TRIM49D1: variants seen among roughly 807,000 people sequenced by gnomAD.
The protein encoded by TRIM49D1 is tripartite motif containing 49D1.
At position 89,911,421 on chromosome 11, in the gene TRIM49D1, T is replaced by TA; in HGVS notation, c.*165dup. 6.9e-7 allele frequency: 1 copy of TA among 1,443,656 alleles called. No homozygotes were observed. The highest frequency in any genetic ancestry group is 9.5e-7 in the Non-Finnish European group (1 of 1,056,104). 89.4% of individuals were successfully genotyped at this position (1,443,656 alleles called of 1,614,324 possible). A position where few individuals can be genotyped will look rare whatever the true frequency, so the allele number is the denominator to read the frequency against. Reference sequence around the variant, plus strand: ...CCAGTACACATACTTTTAGTGTTTTTACCACATTTAATAGTAACACAATAA... The same window carrying TA: ...CCAGTACACATACTTTTAGTGTTTTTAACCACATTTAATAGTAACACAATAA... On this transcript the variant is annotated 3_prime_UTR_variant, in exon 8 of 8. Transcript: ENST00000420869.
chr11:89,921,200 G>A (rs1472943592), intron 1 of TRIM49D1, among the ~76,000 whole-genome samples: 3 of 151,982 alleles, frequency 2.0e-5, no homozygotes, highest in Admixed American at 6.6e-5. Flanking sequence ...TGCCAATCTC[G>A]TGGGTGAAAT....
At position 89,911,479 on chromosome 11, in the gene TRIM49D1, GAC is replaced by G; in HGVS notation, c.*106_*107del. Reference sequence around the variant, plus strand: ...TTAATAACATTAGAATGCAATTCAAGACATAAAACAGAACGTATTTGTCCTGT... The same window carrying G: ...TTAATAACATTAGAATGCAATTCAAGATAAAACAGAACGTATTTGTCCTGT... On this transcript the variant is annotated 3_prime_UTR_variant, in exon 8 of 8. Transcript: ENST00000420869. 1 of 608,620 alleles carries G rather than the reference GAC, an allele frequency of 1.6e-6. No individual in the cohort carries two copies. Among genetic ancestry groups the G allele is most frequent in the Non-Finnish European group, 2.9e-6 (1 of 339,640 alleles). 37.7% of individuals were successfully genotyped at this position (608,620 alleles called of 1,614,324 possible). A position where few individuals can be genotyped will look rare whatever the true frequency, so the allele number is the denominator to read the frequency against.
At chr11:89,921,455 CAG>C (rs1347812819) in intron 1 of TRIM49D1, among the ~76,000 whole-genome samples, 10 of 151,972 alleles carry the variant, frequency 6.6e-5, no homozygotes, top group African/African-American at 2.4e-4. Context: ...TATATTCTGA[CAG>C]AGGAATTCTT....
intron 1 of TRIM49D1, among the ~76,000 whole-genome samples, chr11:89,921,433 C>T (rs1476302918): frequency 3.3e-5 from 5 of 151,950 alleles, no homozygotes; most frequent in Non-Finnish European, 5.9e-5. Flanking sequence ...ATTTAAGAAG[C>T]GGCTACTCAA....
In TRIM49D1 at chr11:89,922,082, T is replaced by C. The variant is rs1318885839; in HGVS notation, c.-446A>G. Among the ~76,000 whole-genome samples, 1 of 152,002 alleles carries C rather than the reference T, an allele frequency of 6.6e-6. No individual in the cohort carries two copies. Among genetic ancestry groups the C allele is most frequent in the African/African-American group, 2.4e-5 (1 of 41,314 alleles). On this transcript the variant is annotated 5_prime_UTR_variant, in exon 1 of 8. Transcript: ENST00000420869. ...TTTGTTTGCTTTGTCAAAGATCAGT[T>C]GGTTGTTAAGTATTTGGGTTCATTT...
At chr11:89,921,661 G>A (rs1373614323) in intron 1 of TRIM49D1, 191 bp downstream of exon 1, 2 of 152,012 alleles carry the variant, frequency 1.3e-5, no homozygotes, top group Admixed American at 6.6e-5. Flanking sequence ...GCAAGTATGA[G>A]ATCCCTGTTA....
At position 89,920,442 on chromosome 11, in the gene TRIM49D1, C is replaced by T. The variant is rs1950324732; in HGVS notation, c.-148G>A. 7.4e-6 allele frequency: 1 copy of T among 134,748 alleles called. No individual in the cohort carries two copies. The highest frequency in any genetic ancestry group is 3.2e-5 in the African/African-American group (1 of 31,386). The allele number at this position is 134,748 out of a possible 1,614,324, so 8.3% of individuals were successfully genotyped here. A position where few individuals can be genotyped will look rare whatever the true frequency, so the allele number is the denominator to read the frequency against. ...GCTTCCTCTAAGTGCGCTCCTTCTC[C>T]TTTGGAGAAAACTGAGCTTGTCTCT... On this transcript the variant is annotated 5_prime_UTR_variant, in exon 2 of 8. Transcript: ENST00000420869.
chr11:89,912,389 A>G lies in TRIM49D1; in HGVS notation c.860-303T>C, dbSNP rs554369453. Among the ~76,000 whole-genome samples, 3 of 149,594 alleles carry G rather than the reference A, an allele frequency of 2.0e-5. No individual in the cohort carries two copies. The East Asian group carries it at 5.9e-4, about 30-fold the overall frequency. ...CTTTCAATCCAATTTTCAAAGCAAA[A>G]TTTGCACATTATGTGCCCTAAATGC... is the stretch of plus-strand genomic sequence containing the variant. On this transcript the variant is annotated intron_variant, in intron 7 of 7. Coordinates refer to ENST00000420869, the MANE Select transcript of TRIM49D1 (RefSeq NM_001384911.1).
rs1565466611 is a variant in TRIM49D1, at chr11:89,922,079, A to C, written c.-443T>G. Among the ~76,000 whole-genome samples the C allele has an allele frequency of 1.3e-5, 2 of 151,964 alleles. No individual in the cohort carries two copies. Among genetic ancestry groups the C allele is most frequent in the African/African-American group, 2.4e-5 (1 of 41,294 alleles). ...GTTTTTGTTTGCTTTGTCAAAGATC[A>C]GTTGGTTGTTAAGTATTTGGGTTCA... On this transcript the variant is annotated 5_prime_UTR_variant, in exon 1 of 8. Coordinates refer to ENST00000420869, the MANE Select transcript of TRIM49D1 (RefSeq NM_001384911.1).
In TRIM49D1 at chr11:89,921,955, G is replaced by A. The variant is rs778115688; in HGVS notation, c.-319C>T. 6.6e-6 allele frequency among the ~76,000 whole-genome samples: 1 copy of A among 151,978 alleles called. No homozygotes were observed. Among genetic ancestry groups the A allele is most frequent in the Non-Finnish European group, 1.5e-5 (1 of 68,020 alleles). On this transcript the variant is annotated 5_prime_UTR_variant, in exon 1 of 8. Transcript: ENST00000420869. Reference sequence around the variant, plus strand: ...TGTTTCATTGAATAACAATAAGAAAGTTTGTCTATGCCACAAAGTCCAGTT... The same window carrying A: ...TGTTTCATTGAATAACAATAAGAAAATTTGTCTATGCCACAAAGTCCAGTT...
Position 89,922,129 on chromosome 11 carries a change from A to T in TRIM49D1, c.-493T>A, listed in dbSNP as rs560242444. ...ATTTCTGGGTTCTCTATTCTGTTCC[A>T]CTGGTCTATGTGCCTATTTTTGTAC... On this transcript the variant is annotated 5_prime_UTR_variant, in exon 1 of 8. Coordinates refer to ENST00000420869, the MANE Select transcript of TRIM49D1 (RefSeq NM_001384911.1). 8.6e-5 allele frequency among the ~76,000 whole-genome samples: 13 copies of T among 151,998 alleles called. No individual in the cohort carries two copies. The South Asian group carries it at 2.7e-3, about 32-fold the overall frequency.
At chr11:89,921,697 A>C (rs1272714413) in intron 1 of TRIM49D1, 155 bp downstream of exon 1, 1 of 152,070 alleles carries the variant, frequency 6.6e-6, no homozygotes. Flanking sequence ...AAAAATCCTC[A>C]GCTGGCTGGA....
chr11:89,920,981 T>G (rs1223059284), intron 1 of TRIM49D1, among the ~76,000 whole-genome samples: 1 of 152,120 alleles, frequency 6.6e-6, no homozygotes, highest in Non-Finnish European at 1.5e-5. Context: ...CAAGTAATCC[T>G]CTGGTCTTGG....
chr11:89,912,504 TACTC>T (rs1950321204), intron 7 of TRIM49D1, among the ~76,000 whole-genome samples: 1 of 144,180 alleles, frequency 6.9e-6, no homozygotes, highest in African/African-American at 2.5e-5. Flanking sequence ...GATGTTCAGT[TACTC>T]AAGAACTGCT....
Position 89,912,085 on chromosome 11 carries a change from C to T in TRIM49D1, c.861G>A (p.Val287=), listed in dbSNP as rs199876662. ...GLRDRLNQFR[V]DITLPHNEAN... ...CTTCATTATGAGGCAGAGTAATATC[C>T]ACTGCAAAATAAATAAATAAATAAA... Residue 287 remains valine (V), a splice_region_variant and synonymous_variant, in exon 8 of 8, where the codon GTG becomes GTA. Transcript: ENST00000420869. 0.088 allele frequency: 105,667 copies of T among 1,203,256 alleles called. 15,915 individuals carry two copies. Among genetic ancestry groups the T allele is most frequent in the Admixed American group, 0.28 (7,652 of 26,986 alleles). 74.5% of individuals were successfully genotyped at this position (1,203,256 alleles called of 1,614,324 possible).
At chr11:89,912,316 A>C (rs1198058637) in intron 7 of TRIM49D1, among the ~76,000 whole-genome samples, 3 of 148,970 alleles carry the variant, frequency 2.0e-5, no homozygotes, top group Non-Finnish European at 4.5e-5. Flanking sequence ...CAGATATTAA[A>C]GATGTTTTGA....
chr11:89,921,045 G>A (rs1361176369), intron 1 of TRIM49D1, among the ~76,000 whole-genome samples: 2 of 152,040 alleles, frequency 1.3e-5, no homozygotes, highest in African/African-American at 2.4e-5. Context: ...AGCCTTAAAT[G>A]CTGCTTTAGT....
In TRIM49D1 at chr11:89,911,880, CA is replaced by C. The variant is rs1302311545; in HGVS notation, c.1065del (p.Phe355LeufsTer55). ...VHVGDSWNWA[F>X]GVCNKYWKGT... ...CCTTTCCAATACTTATTACAGACACCAAAGGCCCAATTCCAAGAGTCCCCCA... is the reference window on the plus strand; with the variant it reads ...CCTTTCCAATACTTATTACAGACACCAAGGCCCAATTCCAAGAGTCCCCCA... On this transcript the variant is annotated frameshift_variant, in exon 8 of 8. Coordinates refer to ENST00000420869, the MANE Select transcript of TRIM49D1 (RefSeq NM_001384911.1). LOFTEE classifies it high-confidence loss of function. 1 of 711,808 alleles carries C rather than the reference CA, an allele frequency of 1.4e-6. No individual in the cohort carries two copies. Among genetic ancestry groups the C allele is most frequent in the Admixed American group, 4.2e-5 (1 of 23,546 alleles). 44.1% of individuals were successfully genotyped at this position (711,808 alleles called of 1,614,324 possible).
intron 1 of TRIM49D1, 105 bp from the exon 2 acceptor site, chr11:89,920,614 T>TCATTCC (rs1950325762): frequency 2.8e-6 from 1 of 361,176 alleles, no homozygotes; most frequent in African/African-American, 2.1e-5. Context: ...CATCACTCCT[T>TCATTCC]AAAAAACCAT....
Sources: gnomAD v4.1 joint callset for allele counts (sites outside exome capture counted in the v4.1 genomes callset) on GRCh38, gnomAD v4.1.1 for gene constraint, MANE v1.5 for transcripts, NCBI Gene and HGNC (gene_info 2026-07-23, HGNC 2026-07-21) for gene names.